DPYSL3: variants seen among roughly 807,000 people sequenced by gnomAD.
DPYSL3 encodes dihydropyrimidinase like 3.
DPYSL3 carries 16 observed loss-of-function variants against 66.1 expected under a neutral mutation model. The ratio of observed to expected loss-of-function variants is 0.24; its 90% CI spans 0.16 to 0.37. The LOEUF is 0.37. DPYSL3 is among the 10% of genes least tolerant of loss of function. DPYSL3 has a pLI of 1.00. For missense variants in DPYSL3, 738 were observed against 916.2 expected (o/e 0.81, Z 2.51); for synonymous variants, 338 against 345.1 (o/e 0.98, Z 0.23).
chr5:147,418,590 G>A lies in DPYSL3; in HGVS notation c.512C>T (p.Thr171Ile), dbSNP rs376419607. ...CACCATCTTCCCATTGGCTTCAATG[G>A]TCTTCACTCCTCCAGGAACAATCAG... is the stretch of plus-strand genomic sequence containing the variant. ...DNLIVPGGVK[T>I]IEANGKMVIP... The change falls in exon 3 of 14, where the codon ACC becomes ATC. Residue 171 changes from threonine (T) to isoleucine (I), a missense_variant. Transcript: ENST00000343218. The A allele has an allele frequency of 2.2e-5, 35 of 1,609,428 alleles. No homozygotes were observed. Among genetic ancestry groups the A allele is most frequent in the Non-Finnish European group, 2.9e-5 (34 of 1,177,446 alleles).
At chr5:147,433,397 G>C (rs1752351977) in intron 1 of DPYSL3, among the ~76,000 whole-genome samples, 1 of 152,148 alleles carries the variant, frequency 6.6e-6, no homozygotes, top group Admixed American at 6.5e-5. Context: ...GGTAAGTGAA[G>C]ACATATGGCA....
At chr5:147,486,554 T>G (rs1753331398) in intron 1 of DPYSL3, among the ~76,000 whole-genome samples, 1 of 152,196 alleles carries the variant, frequency 6.6e-6, no homozygotes, top group African/African-American at 2.4e-5. Flanking sequence ...GCCTTCTCCC[T>G]CCTCTGGACT....
chr5:147,454,481 C>A (rs969546788), intron 1 of DPYSL3, among the ~76,000 whole-genome samples: 1 of 152,192 alleles, frequency 6.6e-6, no homozygotes, highest in African/African-American at 2.4e-5. Context: ...CTCAACCATT[C>A]CCTGTATTTA....
In DPYSL3 at chr5:147,412,683, A is replaced by G; in HGVS notation, c.888T>C (p.Tyr296=). The part of the protein sequence containing the change: ...DLYQVSNTEL[Y]EIFTCLGELG... ...GCTCTCCCAGGCAGGTGAAGATCTC[A>G]TAGAGCTGAAATAGAAATGAGTCTT... Residue 296 remains tyrosine (Y), a synonymous_variant, in exon 6 of 14, where the codon TAT becomes TAC. Coordinates refer to ENST00000343218, the MANE Select transcript of DPYSL3 (RefSeq NM_001197294.2). 6.3e-7 allele frequency: 1 copy of G among 1,590,224 alleles called. No homozygotes were observed. Among genetic ancestry groups the G allele is most frequent in the Middle Eastern group, 1.7e-4 (1 of 6,024 alleles).
At position 147,496,368 on chromosome 5, in the gene DPYSL3, G is replaced by A. The variant is rs187690840; in HGVS notation, c.381+13110C>T. On this transcript the variant is annotated intron_variant, in intron 1 of 13. Transcript: ENST00000343218. ...GGACTTCATGTCTAAAACACCAAAAGCAATGGCAACAAAAGACAAAATAGA... is the reference window on the plus strand; with the variant it reads ...GGACTTCATGTCTAAAACACCAAAAACAATGGCAACAAAAGACAAAATAGA... 4.7e-3 allele frequency among the ~76,000 whole-genome samples: 709 copies of A among 152,216 alleles called. 9 individuals are homozygous for A. Among genetic ancestry groups the A allele is most frequent in the African/African-American group, 0.016 (670 of 41,528 alleles).
At chr5:147,462,825 T>C (rs912686578) in intron 1 of DPYSL3, among the ~76,000 whole-genome samples, 2 of 151,956 alleles carry the variant, frequency 1.3e-5, no homozygotes, top group African/African-American at 4.8e-5. Context: ...CACGTGGAGG[T>C]CACACAAATG....
intron 1 of DPYSL3, among the ~76,000 whole-genome samples, chr5:147,426,927 T>C (rs17106726): frequency 0.08 from 12,175 of 152,222 alleles, 1,275 homozygotes; most frequent in African/African-American, 0.24. Context: ...GCAAGGAAGA[T>C]ATGCCTATGA....
intron 1 of DPYSL3, among the ~76,000 whole-genome samples, chr5:147,504,253 C>G (rs529532590): frequency 4.6e-5 from 7 of 152,336 alleles, no homozygotes; most frequent in South Asian, 2.1e-4. Flanking sequence ...GTCAGCAAAA[C>G]CCTGTCTCCA....
chr5:147,451,096 T>C (rs912311067), intron 1 of DPYSL3, among the ~76,000 whole-genome samples: 2 of 152,184 alleles, frequency 1.3e-5, no homozygotes, highest in African/African-American at 2.4e-5. Flanking sequence ...CAAACATACA[T>C]AAATATTTTA....
intron 1 of DPYSL3, among the ~76,000 whole-genome samples, chr5:147,448,918 G>A (rs893657188): frequency 1.3e-5 from 2 of 152,158 alleles, no homozygotes; most frequent in African/African-American, 2.4e-5. Flanking sequence ...AGACTTCCAT[G>A]ATCAGATATC....
rs1232839235 is a variant in DPYSL3 at position 147,474,349 on chromosome 5, C to T, written c.381+35129G>A. ...AACTGCTAAGAGGAAAATGTCTTTT[C>T]ATGAATTTAATAATAATGATAATGA... is the stretch of plus-strand genomic sequence containing the variant. On this transcript the variant is annotated intron_variant, in intron 1 of 13. Coordinates refer to ENST00000343218, the MANE Select transcript of DPYSL3 (RefSeq NM_001197294.2). 2.0e-5 allele frequency among the ~76,000 whole-genome samples: 3 copies of T among 152,060 alleles called. No homozygotes were observed. The East Asian group carries it at 5.8e-4, about 29-fold the overall frequency.
rs1024013859 is a variant in DPYSL3 at position 147,509,952 on chromosome 5, G to A, written c.-94C>T. 10 of 1,431,752 alleles carry A rather than the reference G, an allele frequency of 7.0e-6. No individual in the cohort carries two copies. The African/African-American group carries it at 8.6e-5, about 12-fold the overall frequency. 88.7% of individuals were successfully genotyped at this position (1,431,752 alleles called of 1,614,324 possible). A position where few individuals can be genotyped will look rare whatever the true frequency, so the allele number is the denominator to read the frequency against. ...TGCGCCGAGCCACAGTGACTGTGGCGGGAGGAGGCGCCTGAGCCTTCGCGC... is the reference window on the plus strand; with the variant it reads ...TGCGCCGAGCCACAGTGACTGTGGCAGGAGGAGGCGCCTGAGCCTTCGCGC... On this transcript the variant is annotated 5_prime_UTR_variant, in exon 1 of 14. Coordinates refer to ENST00000343218, the MANE Select transcript of DPYSL3 (RefSeq NM_001197294.2). The surrounding 1 kb of genome is among the most constrained non-coding windows in gnomAD (Gnocchi z 5.3).
chr5:147,454,314 G>T (rs1411395860), intron 1 of DPYSL3: 1 of 152,268 alleles, frequency 6.6e-6, no homozygotes, highest in Admixed American at 6.5e-5. Context: ...TGCTCGCGGG[G>T]TGGTAAACAG....
chr5:147,404,501 A>T (rs1758281800), intron 8 of DPYSL3, among the ~76,000 whole-genome samples: 1 of 152,136 alleles, frequency 6.6e-6, no homozygotes, highest in African/African-American at 2.4e-5. Flanking sequence ...CCTCTCTACT[A>T]CCAGAATGGC....
intron 8 of DPYSL3, among the ~76,000 whole-genome samples, chr5:147,403,852 G>C (rs372845584): frequency 1.3e-5 from 2 of 152,052 alleles, no homozygotes; most frequent in African/African-American, 4.8e-5. Context: ...ATTCCACCCC[G>C]GAGACACAGC....
intron 1 of DPYSL3, among the ~76,000 whole-genome samples, chr5:147,478,757 A>G (rs1398477281): frequency 6.6e-6 from 1 of 152,076 alleles, no homozygotes; most frequent in Non-Finnish European, 1.5e-5. Flanking sequence ...AACCTTTCTT[A>G]TCCCTCAAGG....
chr5:147,510,006 G>A lies in DPYSL3; in HGVS notation c.-148C>T. The A allele has an allele frequency of 1.5e-6, 2 of 1,294,370 alleles. No individual in the cohort carries two copies. Among genetic ancestry groups the A allele is most frequent in the Non-Finnish European group, 1.0e-6 (1 of 979,184 alleles). The allele number at this position is 1,294,370 out of a possible 1,614,324, so 80.2% of individuals were successfully genotyped here. ...AGGCGGCAGTGCTGCTCCGATTCCT[G>A]CTTGTCCCTAGCGAGCCAGCGAGCC... is the stretch of plus-strand genomic sequence containing the variant. On this transcript the variant is annotated 5_prime_UTR_variant, in exon 1 of 14. Transcript: ENST00000343218.
At chr5:147,503,445 C>T (rs984591081) in intron 1 of DPYSL3, among the ~76,000 whole-genome samples, 12 of 152,084 alleles carry the variant, frequency 7.9e-5, no homozygotes, top group Admixed American at 5.9e-4. Context: ...AGTCGTGCAC[C>T]ACCATGCTTA....
rs1362323201 is a variant in DPYSL3, at chr5:147,499,919, G to A, written c.381+9559C>T. On this transcript the variant is annotated intron_variant, in intron 1 of 13. Coordinates refer to ENST00000343218, the MANE Select transcript of DPYSL3 (RefSeq NM_001197294.2). ...GTAATCAACTGATTTTTATGAAGGA[G>A]CAAAGGTAATACAATGGAGAAAATA... 2.6e-5 allele frequency among the ~76,000 whole-genome samples: 4 copies of A among 152,286 alleles called. No homozygotes were observed. The East Asian group carries it at 5.8e-4, about 22-fold the overall frequency.
Sources: gnomAD v4.1 joint callset for allele counts (sites outside exome capture counted in the v4.1 genomes callset) on GRCh38, gnomAD v4.1.1 for gene constraint, Gnocchi (gnomAD v3.1) non-coding constraint, MANE v1.5 for transcripts, NCBI Gene and HGNC (gene_info 2026-07-23, HGNC 2026-07-21) for gene names.